OSBPL8: variants seen among roughly 807,000 people sequenced by gnomAD.
The protein encoded by OSBPL8 is oxysterol binding protein like 8, also known as oxysterol-binding protein-related protein 8.
In OSBPL8, 59 loss-of-function variants were observed where a neutral mutation model predicts 125.5. The observed-to-expected ratio is 0.47, with a 90% CI of 0.38 to 0.58. The LOEUF (loss-of-function observed/expected upper bound fraction) is 0.58, where lower values mean the gene tolerates loss of function less well. Among genes scored for constraint, OSBPL8 ranks in the 20% least tolerant of loss-of-function variants. OSBPL8 has a pLI of 0.00. For missense variants in OSBPL8, 758 were observed against 1,047.8 expected, an observed-to-expected ratio of 0.72 and a Z score of 3.82; for synonymous variants, 330 against 338.9, an observed-to-expected ratio of 0.97 and a Z score of 0.29.
At chr12:76,364,517 G>A (rs1375949580) in intron 21 of OSBPL8, among the ~76,000 whole-genome samples, 1 of 152,160 alleles carries the variant, frequency 6.6e-6, no homozygotes, top group Admixed American at 6.5e-5. Context: ...GGAGGCTAGG[G>A]GAGGGATAGC....
intron 22 of OSBPL8, among the ~76,000 whole-genome samples, chr12:76,356,993 G>C (rs1243539699): frequency 6.6e-6 from 1 of 152,110 alleles, no homozygotes; most frequent in Non-Finnish European, 1.5e-5. Context: ...TAATTCATTA[G>C]AAATACATAT....
intron 2 of OSBPL8, among the ~76,000 whole-genome samples, chr12:76,481,108 CAAGA>C (rs951638916): frequency 7.9e-5 from 12 of 152,172 alleles, no homozygotes; most frequent in Admixed American, 3.9e-4. Context: ...CTGATAAAAG[CAAGA>C]AAATGGATTC....
intron 2 of OSBPL8, among the ~76,000 whole-genome samples, chr12:76,463,027 C>T (rs139605201): frequency 1.3e-5 from 2 of 152,218 alleles, no homozygotes; most frequent in East Asian, 1.9e-4. Flanking sequence ...GATGGGGAAC[C>T]ACTGGATGGT....
At chr12:76,485,964 C>A in intron 2 of OSBPL8, 2 of 362,174 alleles carry the variant, frequency 5.5e-6, no homozygotes, top group South Asian at 2.1e-5. Flanking sequence ...ATAAAATAAA[C>A]ATTAAGTTCT....
rs763372011 is a variant in OSBPL8, at chr12:76,369,698, A to T, written c.2179T>A (p.Trp727Arg). 2.4e-5 allele frequency: 39 copies of T among 1,613,130 alleles called. No homozygotes were observed. Among genetic ancestry groups the T allele is most frequent in the Non-Finnish European group, 3.1e-5 (36 of 1,179,682 alleles). The change falls in exon 20 of 24, where the codon TGG (tryptophan) becomes AGG (arginine). Residue 727 changes from tryptophan to arginine, a missense_variant. Trp to Arg is a moderately radical substitution (Grantham distance 101). Coordinates refer to ENST00000261183, the MANE Select transcript of OSBPL8 (RefSeq NM_020841.5). Reference sequence around the variant, plus strand: ...TCAAGTTCAAATAATTTGCAAGACCACTCTTCATTTTTTGTTTTCCGATCC... The same window carrying T: ...TCAAGTTCAAATAATTTGCAAGACCTCTCTTCATTTTTTGTTTTCCGATCC... ...ARDRKTKNEE[W>R]SCKLFELDPL...
rs77340733 is a variant in OSBPL8, at chr12:76,378,131, T to C, written c.1729+321A>G. ...TGGTGGTGCAAAAAGATGAAAATCA[T>C]CTTTACAGATTCTGAAATAATAGAC... On this transcript the variant is annotated intron_variant, in intron 16 of 23. Transcript: ENST00000261183. 6.6e-3 allele frequency among the ~76,000 whole-genome samples: 1,003 copies of C among 152,328 alleles called. 6 individuals are homozygous for C. Among genetic ancestry groups the C allele is most frequent in the Middle Eastern group, 0.037 (11 of 294 alleles).
At chr12:76,443,886 G>C (rs1459392091) in intron 4 of OSBPL8, among the ~76,000 whole-genome samples, 1 of 152,100 alleles carries the variant, frequency 6.6e-6, no homozygotes, top group Non-Finnish European at 1.5e-5. Flanking sequence ...TCCTCTTTAA[G>C]AGACTATAAT....
intron 3 of OSBPL8, among the ~76,000 whole-genome samples, chr12:76,458,806 A>G (rs926161116): frequency 3.3e-5 from 5 of 152,224 alleles, no homozygotes; most frequent in African/African-American, 1.2e-4. Flanking sequence ...ATCTAGACTA[A>G]AAAAGTTTAT....
chr12:76,478,274 G>GT (rs761974898), intron 2 of OSBPL8, among the ~76,000 whole-genome samples: 4 of 152,008 alleles, frequency 2.6e-5, no homozygotes, highest in Admixed American at 6.6e-5. Flanking sequence ...TGTGGTCTCT[G>GT]GAAAGTTCTA....
intron 1 of OSBPL8, among the ~76,000 whole-genome samples, chr12:76,546,050 G>T (rs1950774046): frequency 6.6e-6 from 1 of 152,142 alleles, no homozygotes; most frequent in Non-Finnish European, 1.5e-5. Flanking sequence ...CATGTCGAGG[G>T]CTGACATTTA....
intron 2 of OSBPL8, among the ~76,000 whole-genome samples, chr12:76,481,978 A>G (rs1397076239): frequency 6.6e-6 from 1 of 152,242 alleles, no homozygotes; most frequent in Non-Finnish European, 1.5e-5. Flanking sequence ...TAACTCACCT[A>G]GTATGTAAAA....
chr12:76,487,021 A>ATTTTTTTT (rs63178360), intron 2 of OSBPL8, among the ~76,000 whole-genome samples: 31 of 101,884 alleles, frequency 3.0e-4, no homozygotes, highest in African/African-American at 8.6e-4. Flanking sequence ...TGCAATTTTC[A>ATTTTTTTT]TTTTTTTTTT....
intron 4 of OSBPL8, among the ~76,000 whole-genome samples, chr12:76,420,949 T>G (rs972230425): frequency 6.6e-6 from 1 of 152,024 alleles, no homozygotes; most frequent in East Asian, 1.9e-4. Flanking sequence ...AAGCAAACCA[T>G]TTACTTTTCT....
intron 1 of OSBPL8, among the ~76,000 whole-genome samples, chr12:76,495,429 A>G (rs958508331): frequency 6.6e-6 from 1 of 152,246 alleles, no homozygotes; most frequent in Admixed American, 6.5e-5. Context: ...CAAGAGCTAT[A>G]TAACACATTT....
chr12:76,356,390 T>G (rs1360641786), intron 23 of OSBPL8, among the ~76,000 whole-genome samples: 1 of 152,116 alleles, frequency 6.6e-6, no homozygotes, highest in Admixed American at 6.5e-5. Flanking sequence ...AGGAGTAAAA[T>G]AAAGTGATTC....
chr12:76,516,118 A>T (rs1009447448), intron 1 of OSBPL8, among the ~76,000 whole-genome samples: 1 of 152,188 alleles, frequency 6.6e-6, no homozygotes, highest in African/African-American at 2.4e-5. Context: ...AGCAGTGGAG[A>T]AGTTCAGGAT....
At chr12:76,410,539 C>T in intron 5 of OSBPL8, 25 bp downstream of exon 5, 1 of 1,498,466 alleles carries the variant, frequency 6.7e-7, no homozygotes, top group Non-Finnish European at 9.2e-7. Context: ...ATGTCATAAT[C>T]ATGTATTTGC....
chr12:76,461,203 T>C (rs1874680765), intron 2 of OSBPL8, among the ~76,000 whole-genome samples: 1 of 152,276 alleles, frequency 6.6e-6, no homozygotes. Flanking sequence ...TCACTTCTAA[T>C]GAACAGAATA....
Position 76,403,507 on chromosome 12 carries a change from A to G in OSBPL8, c.289-741T>C, listed in dbSNP as rs374068023. Among the ~76,000 whole-genome samples the G allele has an allele frequency of 5.3e-5, 8 of 152,330 alleles. No homozygotes were observed. In the South Asian group the frequency reaches 1.7e-3, roughly 32 times the overall value. On this transcript the variant is annotated intron_variant, in intron 5 of 23. Coordinates refer to ENST00000261183, the MANE Select transcript of OSBPL8 (RefSeq NM_020841.5). ...CAATCATTAACATTGCGGAGATCAG[A>G]ACCCAGGTTTCCTAATGCAATGCTT...
Sources: gnomAD v4.1 joint callset for allele counts (sites outside exome capture counted in the v4.1 genomes callset) on GRCh38, gnomAD v4.1.1 for gene constraint, MANE v1.5 for transcripts, NCBI Gene and HGNC (gene_info 2026-07-23, HGNC 2026-07-21) for gene names.